CADPS2: variants seen among roughly 807,000 people sequenced by gnomAD.
The protein encoded by CADPS2 is calcium dependent secretion activator 2.
In CADPS2, 93 loss-of-function variants were observed where a neutral mutation model predicts 172.5. The observed-to-expected ratio is 0.54, with a 90% CI of 0.46 to 0.64. The LOEUF is 0.64. CADPS2 is among the 30% of genes least tolerant of loss of function. The probability of loss-of-function intolerance (pLI) is 0.00; values close to 1 mark genes in which losing one functional copy is unlikely to be tolerated. For missense variants in CADPS2, 1,420 were observed against 1,565.9 expected (o/e 0.91, Z 1.57); for synonymous variants, 546 against 555.2 (o/e 0.98, Z 0.23).
intron 20 of CADPS2, among the ~76,000 whole-genome samples, chr7:122,401,527 C>T (rs1237959685): frequency 6.6e-6 from 1 of 152,158 alleles, no homozygotes; most frequent in East Asian, 1.9e-4. Flanking sequence ...ATTGACAGAA[C>T]AACTATGGAA....
At chr7:122,710,784 C>A (rs2088572688) in intron 2 of CADPS2, among the ~76,000 whole-genome samples, 2 of 152,034 alleles carry the variant, frequency 1.3e-5, no homozygotes, top group Admixed American at 1.3e-4. Flanking sequence ...ATTTGGCAGT[C>A]ATTTAATTTT....
At chr7:122,631,394 T>C (rs1302869415) in intron 3 of CADPS2, among the ~76,000 whole-genome samples, 2 of 152,088 alleles carry the variant, frequency 1.3e-5, no homozygotes, top group Admixed American at 6.6e-5. Flanking sequence ...ATTGTTTGAG[T>C]TATTTCTAAA....
intron 1 of CADPS2, among the ~76,000 whole-genome samples, chr7:122,864,535 C>A (rs76062732): frequency 6.6e-6 from 1 of 151,974 alleles, no homozygotes; most frequent in African/African-American, 2.4e-5. Context: ...TTGTAGCTCT[C>A]AGGAAAGCTA....
chr7:122,387,492 T>G (rs2043838965), intron 23 of CADPS2, among the ~76,000 whole-genome samples: 1 of 152,102 alleles, frequency 6.6e-6, no homozygotes, highest in Non-Finnish European at 1.5e-5. Flanking sequence ...CTTAATTGTC[T>G]GAATTAATTG....
chr7:122,424,121 T>C (rs1390217998), intron 17 of CADPS2: 1 of 154,538 alleles, frequency 6.5e-6, no homozygotes, highest in Non-Finnish European at 1.4e-5. Flanking sequence ...GTATTTAAAA[T>C]CCACACAAAT....
chr7:122,502,876 G>C (rs1172224569), intron 9 of CADPS2, among the ~76,000 whole-genome samples: 5 of 151,334 alleles, frequency 3.3e-5, no homozygotes, highest in Admixed American at 3.3e-4. Context: ...GAGCTTTTTG[G>C]TTATAGAAAC....
At chr7:122,350,302 T>G (rs940921745) in intron 27 of CADPS2, among the ~76,000 whole-genome samples, 4 of 152,202 alleles carry the variant, frequency 2.6e-5, no homozygotes, top group African/African-American at 9.6e-5. Context: ...AGTAAAAATT[T>G]ATAATTGATC....
In CADPS2 at chr7:122,652,960, G is replaced by C. The variant is rs2079333414; in HGVS notation, c.786+10277C>G. On this transcript the variant is annotated intron_variant, in intron 3 of 29. Transcript: ENST00000449022. ...TGATAATTAATATGTTACTGGCTCT[G>C]ACTCAAAGTAATGTAAATAGCCTTT... Among the ~76,000 whole-genome samples, 3 of 152,228 alleles carry C rather than the reference G, an allele frequency of 2.0e-5. No homozygotes were observed. The South Asian group carries it at 6.2e-4, about 32-fold the overall frequency.
intron 13 of CADPS2, 58 bp downstream of exon 13, chr7:122,474,323 T>G (rs762689653): frequency 6.6e-7 from 1 of 1,524,874 alleles, no homozygotes; most frequent in Non-Finnish European, 9.0e-7. Flanking sequence ...TTCCAACTTA[T>G]AGGGGATCTA....
At chr7:122,504,733 A>C (rs1373096174) in intron 9 of CADPS2, among the ~76,000 whole-genome samples, 1 of 152,098 alleles carries the variant, frequency 6.6e-6, no homozygotes, top group Non-Finnish European at 1.5e-5. Flanking sequence ...TGCCCAGTTA[A>C]TTAAAAAATA....
chr7:122,400,160 G>A (rs1468264977), intron 20 of CADPS2, among the ~76,000 whole-genome samples: 1 of 151,656 alleles, frequency 6.6e-6, no homozygotes, highest in Non-Finnish European at 1.5e-5. Flanking sequence ...AGCAGGCAGG[G>A]CGCAGTGGCT....
At chr7:122,404,714 G>A (rs1010682318) in intron 20 of CADPS2, among the ~76,000 whole-genome samples, 2 of 152,090 alleles carry the variant, frequency 1.3e-5, no homozygotes, top group Non-Finnish European at 2.9e-5. Context: ...ATCTCATTGT[G>A]GTTTTGATTT....
chr7:122,706,737 T>C (rs1443169851), intron 2 of CADPS2, among the ~76,000 whole-genome samples: 4 of 147,246 alleles, frequency 2.7e-5, no homozygotes, highest in Non-Finnish European at 4.5e-5. Context: ...TATACTTATA[T>C]AAGAGCAAGG....
intron 1 of CADPS2, among the ~76,000 whole-genome samples, chr7:122,762,493 A>G (rs2093421343): frequency 6.6e-6 from 1 of 152,174 alleles, no homozygotes; most frequent in South Asian, 2.1e-4. Context: ...TCTTTACCAG[A>G]AACTAAGAAC....
chr7:122,436,818 T>C (rs1490358239), intron 17 of CADPS2, among the ~76,000 whole-genome samples: 1 of 152,096 alleles, frequency 6.6e-6, no homozygotes, highest in African/African-American at 2.4e-5. Flanking sequence ...AAAAAGGTTC[T>C]TTATCCATTT....
At chr7:122,800,807 A>G (rs1424804193) in intron 1 of CADPS2, among the ~76,000 whole-genome samples, 1 of 152,068 alleles carries the variant, frequency 6.6e-6, no homozygotes, top group Non-Finnish European at 1.5e-5. Context: ...CCTGACCAAC[A>G]TGGTAAAACC....
intron 8 of CADPS2, among the ~76,000 whole-genome samples, chr7:122,551,578 T>A (rs1165468540): frequency 6.6e-6 from 1 of 151,988 alleles, no homozygotes; most frequent in Non-Finnish European, 1.5e-5. Flanking sequence ...AGAGAATAGG[T>A]TTTTACTACT....
intron 2 of CADPS2, among the ~76,000 whole-genome samples, chr7:122,682,964 G>T (rs182252260): frequency 6.6e-6 from 1 of 152,330 alleles, no homozygotes; most frequent in African/African-American, 2.4e-5. Flanking sequence ...ACAAACGATT[G>T]CTGGAACGGC....
At chr7:122,749,203 T>G (rs2092843383) in intron 1 of CADPS2, among the ~76,000 whole-genome samples, 1 of 152,132 alleles carries the variant, frequency 6.6e-6, no homozygotes. Flanking sequence ...TTGATTCAAG[T>G]GTGCATTCCT....
Sources: gnomAD v4.1 joint callset for allele counts (sites outside exome capture counted in the v4.1 genomes callset) on GRCh38, gnomAD v4.1.1 for gene constraint, MANE v1.5 for transcripts, NCBI Gene and HGNC (gene_info 2026-07-23, HGNC 2026-07-21) for gene names.